SLC10A6: variants seen among roughly 807,000 people sequenced by gnomAD.
SLC10A6 encodes solute carrier family 10 member 6.
Under a neutral mutation model 30.0 loss-of-function variants are expected in SLC10A6, and 27 were observed. That is an observed-to-expected ratio of 0.90 (90% CI 0.66 to 1.24). The LOEUF (loss-of-function observed/expected upper bound fraction) is 1.24, where lower values mean the gene tolerates loss of function less well. Ranked by LOEUF, SLC10A6 falls within the 50% of genes most tolerant of loss-of-function variation. The probability of loss-of-function intolerance (pLI) is 0.00; values close to 1 mark genes in which losing one functional copy is unlikely to be tolerated. For missense variants in SLC10A6, 439 were observed against 457.0 expected (o/e 0.96, Z 0.36); for synonymous variants, 166 against 173.8 (o/e 0.95, Z 0.36).
At chr4:86,844,747 C>A (rs137935931) in intron 1 of SLC10A6, among the ~76,000 whole-genome samples, 15 of 152,026 alleles carry the variant, frequency 9.9e-5, no homozygotes, top group African/African-American at 3.6e-4. Context: ...CCCAAGCCTG[C>A]GTAATTTATA....
intron 3 of SLC10A6, among the ~76,000 whole-genome samples, chr4:86,829,186 G>A (rs780275185): frequency 5.3e-5 from 8 of 152,196 alleles, no homozygotes; most frequent in South Asian, 2.1e-4. Flanking sequence ...AGAGGTGGGC[G>A]GATCACCTGA....
chr4:86,825,340 T>C (rs1438282664), intron 5 of SLC10A6, 80 bp downstream of exon 5: 3 of 1,402,820 alleles, frequency 2.1e-6, no homozygotes, highest in Non-Finnish European at 2.9e-6. Context: ...CACATGCAAG[T>C]TTGGATTGAA....
chr4:86,836,438 T>A (rs1746186502), intron 1 of SLC10A6, among the ~76,000 whole-genome samples: 1 of 152,130 alleles, frequency 6.6e-6, no homozygotes. Context: ...TAGGTCACAA[T>A]GAATCCACCT....
chr4:86,837,221 G>GAAAGAAAGAAAGA (rs1311842786), intron 1 of SLC10A6, among the ~76,000 whole-genome samples: 1 of 78,612 alleles, frequency 1.3e-5, no homozygotes, highest in Non-Finnish European at 2.3e-5. Context: ...GAGAGAGAGA[G>GAAAGAAAGAAAGA]AGAGAGAAAG....
intron 1 of SLC10A6, among the ~76,000 whole-genome samples, chr4:86,835,253 A>G (rs1746160655): frequency 1.3e-5 from 2 of 152,234 alleles, no homozygotes; most frequent in Non-Finnish European, 2.9e-5. Flanking sequence ...ACCTGCAGAC[A>G]GAGCAAGTTG....
rs6531937 is a variant in SLC10A6 at position 86,848,541 on chromosome 4, A to T, written c.377+198T>A. ...CTGCTCAGAACAGTAGCCAATAAAGAAAATGATCATCAGCAAAGTAACTTT... is the reference window on the plus strand; with the variant it reads ...CTGCTCAGAACAGTAGCCAATAAAGTAAATGATCATCAGCAAAGTAACTTT... On this transcript the variant is annotated intron_variant, in intron 1 of 5. Transcript: ENST00000273905. Among the ~76,000 whole-genome samples, 9 of 152,280 alleles carry T rather than the reference A, an allele frequency of 5.9e-5. No homozygotes were observed. The East Asian group carries it at 1.4e-3, about 23-fold the overall frequency.
At chr4:86,834,237 T>G (rs577070180) in intron 1 of SLC10A6, among the ~76,000 whole-genome samples, 1 of 152,238 alleles carries the variant, frequency 6.6e-6, no homozygotes, top group Admixed American at 6.5e-5. Context: ...TCTCTTACCA[T>G]GTGATGCCTG....
intron 4 of SLC10A6, among the ~76,000 whole-genome samples, chr4:86,827,221 A>G (rs994891509): frequency 6.6e-6 from 1 of 152,164 alleles, no homozygotes; most frequent in African/African-American, 2.4e-5. Flanking sequence ...CAACCACTCA[A>G]CAGACTGTGT....
intron 1 of SLC10A6, among the ~76,000 whole-genome samples, chr4:86,834,282 A>T (rs1311045370): frequency 6.6e-6 from 1 of 152,116 alleles, no homozygotes; most frequent in Admixed American, 6.5e-5. Flanking sequence ...TGGGGTCTTC[A>T]TGAGGCCCTC....
chr4:86,836,716 T>G (rs1461704546), intron 1 of SLC10A6, among the ~76,000 whole-genome samples: 1 of 152,200 alleles, frequency 6.6e-6, no homozygotes, highest in East Asian at 1.9e-4. Context: ...ACTAAGTTAC[T>G]GCTTCACACA....
chr4:86,835,348 T>C (rs1746161977), intron 1 of SLC10A6, among the ~76,000 whole-genome samples: 1 of 152,116 alleles, frequency 6.6e-6, no homozygotes, highest in Non-Finnish European at 1.5e-5. Context: ...GTTCCAATCC[T>C]GATATCGTGT....
intron 1 of SLC10A6, among the ~76,000 whole-genome samples, chr4:86,835,056 T>C (rs1043281741): frequency 6.6e-6 from 1 of 152,156 alleles, no homozygotes; most frequent in Admixed American, 6.5e-5. Context: ...AATACTGGAA[T>C]CACATTTCAA....
intron 1 of SLC10A6, among the ~76,000 whole-genome samples, chr4:86,838,193 A>G (rs1746231180): frequency 6.6e-6 from 1 of 152,180 alleles, no homozygotes; most frequent in Non-Finnish European, 1.5e-5. Flanking sequence ...GTGTCTGGCA[A>G]TATCTAGGAA....
intron 1 of SLC10A6, among the ~76,000 whole-genome samples, chr4:86,840,029 C>A (rs569277239): frequency 6.6e-6 from 1 of 151,928 alleles, no homozygotes; most frequent in South Asian, 2.1e-4. Context: ...TCTGCCCCAG[C>A]CTCTGGAATA....
chr4:86,835,538 G>A (rs1337187310), intron 1 of SLC10A6, among the ~76,000 whole-genome samples: 2 of 151,986 alleles, frequency 1.3e-5, no homozygotes, highest in Non-Finnish European at 2.9e-5. Context: ...GTGGTGGCAG[G>A]TGCCTGTAAT....
chr4:86,833,310 G>A lies in SLC10A6; in HGVS notation c.492C>T (p.Asn164=). ...LQQNLTIPYQ[N]IGITLVCLTI... ...ATTTCCCAGGCCCATACAGACCTAT[G>A]TTCTGATAAGGAATGGTGAGATTCT... Residue 164 remains asparagine, a synonymous_variant, in exon 2 of 6, where the codon AAC becomes AAT. Coordinates refer to ENST00000273905, the MANE Select transcript of SLC10A6 (RefSeq NM_197965.3). 1 of 1,608,760 alleles carries A rather than the reference G, an allele frequency of 6.2e-7. No individual in the cohort carries two copies. The highest frequency in any genetic ancestry group is 8.5e-7 in the Non-Finnish European group (1 of 1,175,178).
At chr4:86,844,249 C>T (rs866821211) in intron 1 of SLC10A6, among the ~76,000 whole-genome samples, 2 of 152,066 alleles carry the variant, frequency 1.3e-5, no homozygotes, top group Admixed American at 1.3e-4. Context: ...CATAATCTGC[C>T]GAGATGATCC....
Position 86,849,272 on chromosome 4 carries a change from A to G in SLC10A6, c.-157T>C. ...AAGGTGATTCATCCTAATCTGATCA[A>G]TTTTTTCACAAGTGGCATTATAAAA... On this transcript the variant is annotated 5_prime_UTR_variant, in exon 1 of 6. Transcript: ENST00000273905. 1.2e-6 allele frequency: 1 copy of G among 809,150 alleles called. No homozygotes were observed. The highest frequency in any genetic ancestry group is 1.9e-6 in the Non-Finnish European group (1 of 520,384). The allele number at this position is 809,150 out of a possible 1,614,324, so 50.1% of individuals were successfully genotyped here.
In SLC10A6 at chr4:86,848,865, T is replaced by G; in HGVS notation, c.251A>C (p.Tyr84Ser). The G allele has an allele frequency of 6.2e-7, 1 of 1,614,184 alleles. No individual in the cohort carries two copies. The highest frequency in any genetic ancestry group is 1.3e-5 in the African/African-American group (1 of 75,046). Residue 84 changes from tyrosine to serine, a missense_variant, in exon 1 of 6, where the codon TAT becomes TCT. Tyr to Ser is a moderately radical substitution (Grantham distance 144, BLOSUM62 -2). Coordinates refer to ENST00000273905, the MANE Select transcript of SLC10A6 (RefSeq NM_197965.3). ...CAGAGAAAAGCTAATGGCCAGGAGA[T>G]AAGCTGTAAAAGGCATGAGCCCAAA... ...CQFGLMPFTA[Y>S]LLAISFSLKP...
Sources: gnomAD v4.1 joint callset for allele counts (sites outside exome capture counted in the v4.1 genomes callset) on GRCh38, gnomAD v4.1.1 for gene constraint, MANE v1.5 for transcripts, NCBI Gene and HGNC (gene_info 2026-07-23, HGNC 2026-07-21) for gene names.